Variants in CEACAM1 observed in about 807,000 individuals in gnomAD.
CEACAM1 encodes CEA cell adhesion molecule 1, also known as cell adhesion molecule CEACAM1.
CEACAM1 carries 31 observed loss-of-function variants against 49.1 expected under a neutral mutation model. The observed-to-expected ratio is 0.63, with a 90% CI of 0.47 to 0.85. CEACAM1 has a LOEUF of 0.85. Among genes scored for constraint, CEACAM1 ranks in the 40% least tolerant of loss-of-function variants. The pLI is 0.00. For missense variants in CEACAM1, 570 were observed against 645.3 expected (o/e 0.88, Z 1.26); for synonymous variants, 244 against 247.8 (o/e 0.98, Z 0.14).
intron 5 of CEACAM1, among the ~76,000 whole-genome samples, chr19:42,513,917 T>TATATATATATATATATATATAA (rs1395679051): frequency 7.7e-6 from 1 of 129,646 alleles, no homozygotes; most frequent in African/African-American, 3.5e-5. Flanking sequence ...TATATATATA[T>TATATATATATATATATATATAA]AATATATAAA....
rs570893364 is a variant in CEACAM1 at position 42,513,369 on chromosome 19, C to T, written c.1247-890G>A. ...ATCCCAGAACTTTGGGAGGCTGAGG[C>T]GGGTGGATCACGAGGTCAGGAGTTC... is the stretch of plus-strand genomic sequence containing the variant. On this transcript the variant is annotated intron_variant, in intron 5 of 8. Transcript: ENST00000161559. Among the ~76,000 whole-genome samples the T allele has an allele frequency of 1.1e-4, 16 of 152,156 alleles. No individual in the cohort carries two copies. In the South Asian group the frequency reaches 1.7e-3, roughly 16 times the overall value.
rs535521640 is a variant in CEACAM1 at position 42,513,524 on chromosome 19, G to A, written c.1247-1045C>T. 2.7e-5 allele frequency among the ~76,000 whole-genome samples: 4 copies of A among 149,176 alleles called. No individual in the cohort carries two copies. The East Asian group carries it at 7.9e-4, about 30-fold the overall frequency. On this transcript the variant is annotated intron_variant, in intron 5 of 8. Coordinates refer to ENST00000161559, the MANE Select transcript of CEACAM1 (RefSeq NM_001712.5). The stretch of plus-strand genomic sequence containing the variant: ...AGGCAGGAGAATCGCTTGAACCCGG[G>A]GGGCAGAGGTTTCAGTGAGCCGAGA...
chr19:42,517,476 C>A (rs2041627750), intron 5 of CEACAM1, among the ~76,000 whole-genome samples: 1 of 152,096 alleles, frequency 6.6e-6, no homozygotes, highest in South Asian at 2.1e-4. Context: ...TGCAACTCAA[C>A]CAAAAATCCC....
intron 5 of CEACAM1, chr19:42,515,166 G>A (rs904594962): frequency 3.7e-6 from 2 of 545,872 alleles, no homozygotes; most frequent in African/African-American, 3.9e-5. Context: ...AGGAGGCTAA[G>A]GTGAGGGAAT....
At chr19:42,525,712 G>A (rs1448351058) in intron 2 of CEACAM1, 1 of 152,186 alleles carries the variant, frequency 6.6e-6, no homozygotes, top group Non-Finnish European at 1.5e-5. Flanking sequence ...AAGGCCCCTG[G>A]AGTAGAGGAG....
At position 42,519,176 on chromosome 19, in the gene CEACAM1, C is replaced by G. The variant is rs1217826085; in HGVS notation, c.1018G>C (p.Asp340His). ...CAGGTCAGGTTCACAGAGTCCTTAT[C>G]TCCTGTGACTGTGGTCTTGCTGGCT... ...IKASKTTVTGDKDSVNLTCST... is the reference protein window; with the variant it reads ...IKASKTTVTGHKDSVNLTCST... Residue 340 changes from aspartate to histidine, a missense_variant, in exon 5 of 9, where the codon GAT (aspartate) becomes CAT (histidine). Coordinates refer to ENST00000161559, the MANE Select transcript of CEACAM1 (RefSeq NM_001712.5). 6.2e-7 allele frequency: 1 copy of G among 1,614,000 alleles called. No individual in the cohort carries two copies. Among genetic ancestry groups the G allele is most frequent in the East Asian group, 2.2e-5 (1 of 44,896 alleles).
intron 5 of CEACAM1, among the ~76,000 whole-genome samples, chr19:42,515,973 A>G (rs2041590939): frequency 6.6e-6 from 1 of 152,218 alleles, no homozygotes; most frequent in African/African-American, 2.4e-5. Context: ...GCATTTGACA[A>G]AATTCAACAT....
intron 5 of CEACAM1, chr19:42,515,205 G>C: frequency 1.9e-6 from 1 of 517,490 alleles, no homozygotes; most frequent in Non-Finnish European, 3.4e-6. Flanking sequence ...TGAGGCTGCA[G>C]TGAGCTGTGT....
chr19:42,516,845 C>T (rs924336542), intron 5 of CEACAM1: 1 of 416,530 alleles, frequency 2.4e-6, no homozygotes, highest in Non-Finnish European at 4.7e-6. Flanking sequence ...CCAGCCTTGG[C>T]AACATGGTGA....
intron 5 of CEACAM1, 99 bp downstream of exon 5, chr19:42,518,849 T>C (rs1233576897): frequency 3.0e-6 from 4 of 1,349,540 alleles, no homozygotes; most frequent in African/African-American, 2.9e-5. Context: ...TAATGGTCTC[T>C]TCATTGATAT....
chr19:42,524,944 T>C (rs1443766265), intron 2 of CEACAM1, among the ~76,000 whole-genome samples: 2 of 152,108 alleles, frequency 1.3e-5, no homozygotes, highest in Non-Finnish European at 2.9e-5. Flanking sequence ...GGTCTCAGTC[T>C]CTGGAGGGAT....
At chr19:42,521,564 G>C in intron 3 of CEACAM1, 43 bp from the exon 4 acceptor site, 1 of 1,594,572 alleles carries the variant, frequency 6.3e-7, no homozygotes. Context: ...TCATCAGAGG[G>C]AAGGGGAAGC....
intron 1 of CEACAM1, 81 bp from the exon 2 acceptor site, chr19:42,527,481 G>C (rs137965022): frequency 2.6e-6 from 4 of 1,513,204 alleles, no homozygotes; most frequent in African/African-American, 2.8e-5. Context: ...TCCTGAGCAG[G>C]TGTCTTCACC....
At chr19:42,515,010 C>A in intron 5 of CEACAM1, 1 of 677,346 alleles carries the variant, frequency 1.5e-6, no homozygotes, top group Non-Finnish European at 2.7e-6. Context: ...GTGGCTCACA[C>A]CTGTAATCTC....
At chr19:42,528,252 A>T in intron 1 of CEACAM1, 59 bp downstream of exon 1, 4 of 1,480,460 alleles carry the variant, frequency 2.7e-6, no homozygotes, top group South Asian at 1.2e-5. Flanking sequence ...TCCCCAGAGG[A>T]CCCTAGCCAT....
intron 5 of CEACAM1, among the ~76,000 whole-genome samples, chr19:42,513,758 C>T (rs1568652323): frequency 6.8e-6 from 1 of 147,328 alleles, no homozygotes; most frequent in South Asian, 2.2e-4. Flanking sequence ...ATGTTTAATC[C>T]CATCTTCACT....
intron 2 of CEACAM1, 95 bp from the exon 3 acceptor site, chr19:42,522,297 T>C (rs2041772471): frequency 6.5e-7 from 1 of 1,539,830 alleles, no homozygotes; most frequent in East Asian, 2.3e-5. Flanking sequence ...TTTTTGGAGA[T>C]GGAGCCTCGC....
rs1238719523 is a variant in CEACAM1, at chr19:42,518,829, C to T, written c.1246+119G>A. 2.6e-5 allele frequency: 31 copies of T among 1,202,426 alleles called. No individual in the cohort carries two copies. The East Asian group carries it at 7.2e-4, about 28-fold the overall frequency. The allele number at this position is 1,202,426 out of a possible 1,614,324, so 74.5% of individuals were successfully genotyped here. On this transcript the variant is annotated intron_variant, in intron 5 of 8. Coordinates refer to ENST00000161559, the MANE Select transcript of CEACAM1 (RefSeq NM_001712.5). ...CTGAGCTCTTAACCACTTTGCAATT[C>T]TGTTTGCTATAATGGTCTCTTCATT... is the stretch of plus-strand genomic sequence containing the variant.
chr19:42,511,691 A>C (rs749176977), intron 6 of CEACAM1, 63 bp from the exon 7 acceptor site: 4 of 1,512,314 alleles, frequency 2.6e-6, no homozygotes, highest in Non-Finnish European at 3.7e-6. Context: ...TCCGTAAGTT[A>C]GGAAGGACAC....
Sources: gnomAD v4.1 joint callset for allele counts (sites outside exome capture counted in the v4.1 genomes callset) on GRCh38, gnomAD v4.1.1 for gene constraint, MANE v1.5 for transcripts, NCBI Gene and HGNC (gene_info 2026-07-23, HGNC 2026-07-21) for gene names.